Variants in TSC2 observed in about 807,000 individuals in gnomAD.
TSC2 encodes the protein TSC complex subunit 2.
Under a neutral mutation model 202.2 loss-of-function variants are expected in TSC2, and 29 were observed. The observed-to-expected ratio is 0.14, with a 90% confidence interval of 0.11 to 0.20. The LOEUF (loss-of-function observed/expected upper bound fraction) is 0.20, where lower values mean the gene tolerates loss of function less well. TSC2 is among the 10% of genes least tolerant of loss of function. TSC2 has a pLI of 1.00. For missense variants in TSC2, 2,429 were observed against 2,420.0 expected, an observed-to-expected ratio of 1.00 and a Z score of -0.08; for synonymous variants, 1,349 against 1,044.0, an observed-to-expected ratio of 1.29 and a Z score of -5.63.
At chr16:2,072,648 C>CA in intron 20 of TSC2, 1 of 878,582 alleles carries the variant, frequency 1.1e-6, no homozygotes, top group Admixed American at 2.5e-5. Context: ...CCGTGCCGTT[C>CA]ACCTCACATT....
intron 38 of TSC2, chr16:2,087,178 A>G (rs1429469386): frequency 4.3e-6 from 2 of 460,306 alleles, no homozygotes; most frequent in Admixed American, 6.8e-5. Context: ...GGCCCCCACC[A>G]TCTCCCCAGT....
intron 7 of TSC2, 93 bp downstream of exon 7, chr16:2,056,337 C>G (rs2085811642): frequency 6.5e-7 from 1 of 1,540,330 alleles, no homozygotes; most frequent in Admixed American, 1.8e-5. Flanking sequence ...CACCTGCTGG[C>G]TGTGTAGCCC....
intron 16 of TSC2, among the ~76,000 whole-genome samples, chr16:2,066,747 G>A (rs1486412219): frequency 2.1e-5 from 3 of 139,666 alleles, no homozygotes; most frequent in East Asian, 4.3e-4. Flanking sequence ...TGCAACCTTC[G>A]CCTCTTGGGT....
At chr16:2,073,397 G>A (rs879789581) in intron 21 of TSC2, among the ~76,000 whole-genome samples, 1 of 152,192 alleles carries the variant, frequency 6.6e-6, no homozygotes, top group Non-Finnish European at 1.5e-5. Context: ...CTTCACCTGC[G>A]ATCTGCCTCG....
chr16:2,087,736 G>A (rs1596453090), intron 38 of TSC2, 127 bp from the exon 39 acceptor site: 3 of 1,202,862 alleles, frequency 2.5e-6, no homozygotes, highest in Non-Finnish European at 3.6e-6. Flanking sequence ...GCTGCCAGAG[G>A]GGAAAGTTCA....
In TSC2 at chr16:2,062,424, C is replaced by T. The variant is rs1027286638; in HGVS notation, c.1258-73C>T. ...GGGCTCTGACAGCAAACCAGCCTCT[C>T]GACCAGCAGCCCAGTGTGGAGAAGG... On this transcript the variant is annotated intron_variant, in intron 12 of 41. Coordinates refer to ENST00000219476, the MANE Select transcript of TSC2 (RefSeq NM_000548.5). The T allele has an allele frequency of 6.3e-6, 9 of 1,437,738 alleles. No individual in the cohort carries two copies. In the East Asian group the frequency reaches 7.4e-5, roughly 12 times the overall value. The allele number at this position is 1,437,738 out of a possible 1,614,324, so 89.1% of individuals were successfully genotyped here. A position where few individuals can be genotyped will look rare whatever the true frequency, so the allele number is the denominator to read the frequency against.
chr16:2,084,914 C>T (rs750253719), intron 34 of TSC2, 37 bp from the exon 35 acceptor site: 21 of 1,611,654 alleles, frequency 1.3e-5, no homozygotes, highest in Non-Finnish European at 1.6e-5. Context: ...CCTGGCCAGG[C>T]CCTCACCTGG....
chr16:2,068,854 CAG>C (rs1309030960), intron 16 of TSC2: 1 of 107,076 alleles, frequency 9.3e-6, no homozygotes, highest in Non-Finnish European at 1.7e-5. Flanking sequence ...GCCTGGGCGA[CAG>C]AGAAAGACTC....
chr16:2,086,772 G>C lies in TSC2; in HGVS notation c.4890G>C (p.Val1630=). 1 of 1,611,330 alleles carries C rather than the reference G, an allele frequency of 6.2e-7. No homozygotes were observed. The highest frequency in any genetic ancestry group is 8.5e-7 in the Non-Finnish European group (1 of 1,179,954). The change falls in exon 38 of 42, where the codon GTG becomes GTC. Residue 1630 remains valine, a synonymous_variant. Transcript: ENST00000219476. The part of the protein sequence containing the change: ...HIATLMPTKD[V]DKHRCDKKRH... ...CCACCCTGATGCCCACCAAGGACGT[G>C]GACAAGCACCGCTGCGACAAGAAGC...
intron 36 of TSC2, 67 bp from the exon 37 acceptor site, chr16:2,086,126 C>T: frequency 6.3e-7 from 1 of 1,598,094 alleles, no homozygotes; most frequent in South Asian, 1.1e-5. Context: ...GCTGGGCACC[C>T]CCACCCTCTG....
At chr16:2,084,883 C>T (rs2090570602) in intron 34 of TSC2, 68 bp from the exon 35 acceptor site, 2 of 1,607,472 alleles carry the variant, frequency 1.2e-6, no homozygotes, top group Admixed American at 3.3e-5. Context: ...CTCTGTGTTC[C>T]TCCCTGTGGG....
intron 16 of TSC2, 62 bp downstream of exon 16, chr16:2,065,697 A>G (rs1337373904): frequency 3.5e-6 from 5 of 1,429,058 alleles, no homozygotes; most frequent in Non-Finnish European, 3.9e-6. Flanking sequence ...CACCAGCTGC[A>G]TCTGCGTTGT....
rs1193861912 is a variant in TSC2, at chr16:2,087,149, C to T, written c.4989+278C>T. 3 of 514,314 alleles carry T rather than the reference C, an allele frequency of 5.8e-6. No homozygotes were observed. The East Asian group carries it at 1.1e-4, about 18-fold the overall frequency. 31.9% of individuals were successfully genotyped at this position (514,314 alleles called of 1,614,324 possible). ...GCACAGTGTAGTTGGTGCTTCCTGT[C>T]TGTCCGGCGCGGCCCTTGGGCCCCC... On this transcript the variant is annotated intron_variant, in intron 38 of 41. Transcript: ENST00000219476.
At chr16:2,083,172 G>A (rs552644281) in intron 32 of TSC2, 5 of 457,372 alleles carry the variant, frequency 1.1e-5, no homozygotes, top group Middle Eastern at 3.3e-4. Flanking sequence ...CTGTCCTGAC[G>A]CTGGCACAGG....
At position 2,088,302 on chromosome 16, in the gene TSC2, C is replaced by A. The variant is rs2151631784; in HGVS notation, c.5236C>A (p.His1746Asn). 6.2e-7 allele frequency: 1 copy of A among 1,612,714 alleles called. No individual in the cohort carries two copies. Among genetic ancestry groups the A allele is most frequent in the Non-Finnish European group, 8.5e-7 (1 of 1,179,928 alleles). Reference protein sequence around the residue: ...YPSKWIARLRHIKRLRQRICE... With the variant: ...YPSKWIARLRNIKRLRQRICE... The stretch of plus-strand genomic sequence containing the variant: ...CTCCAAGTGGATTGCCCGGCTCCGC[C>A]ACATCAAGCGGCTCCGCCAGCGGGT... The change falls in exon 41 of 42, where the codon CAC becomes AAC. Residue 1746 changes from histidine (H) to asparagine (N), a missense_variant. Coordinates refer to ENST00000219476, the MANE Select transcript of TSC2 (RefSeq NM_000548.5).
intron 21 of TSC2, among the ~76,000 whole-genome samples, chr16:2,073,516 A>T (rs2088813046): frequency 6.6e-6 from 1 of 152,224 alleles, no homozygotes. Context: ...GCCCGCCAGG[A>T]GATGCTGACT....
In TSC2 at chr16:2,071,874, G is replaced by C. The variant is rs2088471235; in HGVS notation, c.2037G>C (p.Val679=). The C allele has an allele frequency of 1.9e-6, 3 of 1,596,786 alleles. No individual in the cohort carries two copies. In the South Asian group the frequency reaches 3.4e-5, roughly 18 times the overall value. ...GCCCGGCGCCTGCAGGCCCCGCCGT[G>C]CGGCTGGGGTCCGTGCCCTACTCCC... ...PPGPAPAGPA[V]RLGSVPYSLL... is the part of the protein sequence containing the mutation. Residue 679 remains valine, a synonymous_variant, in exon 19 of 42, where the codon GTG becomes GTC. Transcript: ENST00000219476.
chr16:2,048,245 G>A, intron 1 of TSC2, 180 bp downstream of exon 1: 1 of 1,388,488 alleles, frequency 7.2e-7, no homozygotes, highest in South Asian at 1.2e-5. Context: ...TGCTGCAGGC[G>A]GCTCCGTGAC....
At chr16:2,084,852 G>T (rs1055642011) in intron 34 of TSC2, 99 bp from the exon 35 acceptor site, 1 of 1,601,348 alleles carries the variant, frequency 6.2e-7, no homozygotes. Flanking sequence ...TGGGAGGGCG[G>T]TGGAGTGGGA....
Sources: gnomAD v4.1 joint callset for allele counts (sites outside exome capture counted in the v4.1 genomes callset) on GRCh38, gnomAD v4.1.1 for gene constraint, MANE v1.5 for transcripts, NCBI Gene and HGNC (gene_info 2026-07-23, HGNC 2026-07-21) for gene names.